Variants in FNIP2 observed in about 807,000 individuals in gnomAD.
The protein encoded by FNIP2 is folliculin interacting protein 2.
Under a neutral mutation model 108.7 loss-of-function variants are expected in FNIP2, and 32 were observed. The observed-to-expected ratio is 0.29, with a 90% CI of 0.22 to 0.40. The LOEUF is 0.40. Among genes scored for constraint, FNIP2 ranks in the 10% least tolerant of loss-of-function variants. FNIP2 has a pLI of 1.00. For synonymous variants in FNIP2, 480 were observed against 496.7 expected (o/e 0.97, Z 0.45); for missense variants, 1,202 against 1,381.6 (o/e 0.87, Z 2.06).
chr4:158,858,772 A>G (rs768852776), intron 8 of FNIP2, among the ~76,000 whole-genome samples: 2 of 152,180 alleles, frequency 1.3e-5, no homozygotes, highest in East Asian at 1.9e-4. Context: ...AATATCATCA[A>G]TTTGACATAA....
chr4:158,785,087 CTTT>C lies in FNIP2; in HGVS notation c.107+15783_107+15785del, dbSNP rs397805773. ...TTATTAGCCAGTATATAAAGTTCCT[CTTT>C]TTTTTTTTTTTTTTGAGCCAGAGTC... is the stretch of plus-strand genomic sequence containing the variant. On this transcript the variant is annotated intron_variant, in intron 1 of 16. Coordinates refer to ENST00000264433, the MANE Select transcript of FNIP2 (RefSeq NM_020840.3). Among the ~76,000 whole-genome samples the C allele has an allele frequency of 1.9e-3, 229 of 123,142 alleles. 5 individuals carry two copies. The highest frequency in any genetic ancestry group is 7.1e-3 in the African/African-American group (212 of 30,024). 80.8% of individuals were successfully genotyped at this position (123,142 alleles called of 152,430 possible).
chr4:158,849,446 G>T (rs1270996536), intron 7 of FNIP2, among the ~76,000 whole-genome samples: 1 of 152,080 alleles, frequency 6.6e-6, no homozygotes, highest in Non-Finnish European at 1.5e-5. Context: ...CAGGAGAAAA[G>T]TATTTATCCA....
intron 1 of FNIP2, among the ~76,000 whole-genome samples, chr4:158,796,618 A>T (rs1478099212): frequency 1.3e-5 from 2 of 152,214 alleles, no homozygotes; most frequent in African/African-American, 4.8e-5. Context: ...ATCATCTATG[A>T]GTTTAGCAAC....
At chr4:158,883,266 G>A (rs1333149181) in intron 14 of FNIP2, among the ~76,000 whole-genome samples, 1 of 151,880 alleles carries the variant, frequency 6.6e-6, no homozygotes, top group African/African-American at 2.4e-5. Context: ...TTTTGAGACG[G>A]AGTCTGGCTC....
intron 16 of FNIP2, among the ~76,000 whole-genome samples, chr4:158,898,144 T>C (rs1238799333): frequency 6.6e-6 from 1 of 152,120 alleles, no homozygotes; most frequent in Admixed American, 6.5e-5. Context: ...GATCAGATGG[T>C]TGTAGATGTG....
intron 1 of FNIP2, among the ~76,000 whole-genome samples, chr4:158,771,600 A>G (rs948666689): frequency 2.0e-5 from 3 of 152,230 alleles, no homozygotes; most frequent in African/African-American, 7.2e-5. Context: ...CCCTTAGATT[A>G]AAAATCGAGT....
At chr4:158,802,172 G>A (rs1039858993) in intron 1 of FNIP2, among the ~76,000 whole-genome samples, 1 of 152,168 alleles carries the variant, frequency 6.6e-6, no homozygotes, top group Non-Finnish European at 1.5e-5. Flanking sequence ...TCTGGGGACC[G>A]TGCTTCGAAG....
intron 1 of FNIP2, among the ~76,000 whole-genome samples, chr4:158,773,610 GAGT>G (rs1460984546): frequency 1.3e-5 from 2 of 152,270 alleles, no homozygotes; most frequent in Non-Finnish European, 2.9e-5. Flanking sequence ...TTAGGTCATG[GAGT>G]TCAGTATTAT....
At chr4:158,895,676 G>A (rs1329471291) in intron 15 of FNIP2, 74 bp from the exon 16 acceptor site, 2 of 928,664 alleles carry the variant, frequency 2.2e-6, no homozygotes, top group Non-Finnish European at 3.4e-6. Flanking sequence ...AATGAATTAA[G>A]AAAATTCTGA....
chr4:158,892,959 T>C (rs1489951499), intron 15 of FNIP2, among the ~76,000 whole-genome samples: 3 of 152,198 alleles, frequency 2.0e-5, no homozygotes, highest in Non-Finnish European at 2.9e-5. Flanking sequence ...GTCTAGACTT[T>C]TATGACTTTG....
chr4:158,903,793 C>G (rs905953421), intron 16 of FNIP2, among the ~76,000 whole-genome samples: 1 of 152,138 alleles, frequency 6.6e-6, no homozygotes, highest in African/African-American at 2.4e-5. Context: ...AGTCCACAAA[C>G]TGAAACAGTT....
intron 16 of FNIP2, among the ~76,000 whole-genome samples, chr4:158,897,357 A>G (rs1302135293): frequency 6.6e-6 from 1 of 152,232 alleles, no homozygotes; most frequent in Non-Finnish European, 1.5e-5. Flanking sequence ...GTATATACCC[A>G]GTAATGGGAT....
rs1729741006 is a variant in FNIP2 at position 158,905,387 on chromosome 4, A to C, written c.*843A>C. On this transcript the variant is annotated 3_prime_UTR_variant, in exon 17 of 17. Coordinates refer to ENST00000264433, the MANE Select transcript of FNIP2 (RefSeq NM_020840.3). ...GAGGCCACTTACCAAAGTTATTTCT[A>C]TAAGCTCAAGAGTGTTTCGGTTGGT... is the stretch of plus-strand genomic sequence containing the variant. 6.6e-6 allele frequency: 1 copy of C among 152,192 alleles called. No individual in the cohort carries two copies. The highest frequency in any genetic ancestry group is 2.1e-4 in the South Asian group (1 of 4,832). The allele number at this position is 152,192 out of a possible 1,614,324, so 9.4% of individuals were successfully genotyped here. A position where few individuals can be genotyped will look rare whatever the true frequency, so the allele number is the denominator to read the frequency against.
intron 6 of FNIP2, chr4:158,835,069 TA>T (rs1200153942): frequency 6.2e-5 from 10 of 161,238 alleles, no homozygotes; most frequent in Admixed American, 1.9e-4. Flanking sequence ...GGAAAATGGC[TA>T]AAAAAAATTA....
chr4:158,860,805 C>T (rs753107833), intron 10 of FNIP2, among the ~76,000 whole-genome samples: 12 of 151,808 alleles, frequency 7.9e-5, no homozygotes, highest in South Asian at 4.2e-4. Flanking sequence ...TACAGGCGCG[C>T]GCCACCATGC....
Position 158,868,980 on chromosome 4 carries a change from C to T in FNIP2, c.2344C>T (p.Arg782Trp), listed in dbSNP as rs778657615. ...GGAGAATGTTTGCTGTCCTCAGAAT[C>T]GGCTTTCAGAGGGGGATGAAGGCGA... is the stretch of plus-strand genomic sequence containing the variant. ...FQENVCCPQNRLSEGDEGESD... is the reference protein window; with the variant it reads ...FQENVCCPQNWLSEGDEGESD... The change falls in exon 13 of 17, where the codon CGG (arginine) becomes TGG (tryptophan). Residue 782 changes from arginine to tryptophan, a missense_variant. Transcript: ENST00000264433. This position sits in a 1 kb window ranked among gnomAD's most constrained non-coding sequence, Gnocchi z 4.6. 14 of 1,613,828 alleles carry T rather than the reference C, an allele frequency of 8.7e-6. No homozygotes were observed. The Admixed American group carries it at 1.0e-4, about 12-fold the overall frequency.
At chr4:158,775,067 G>A (rs901148265) in intron 1 of FNIP2, among the ~76,000 whole-genome samples, 6 of 152,168 alleles carry the variant, frequency 3.9e-5, no homozygotes, top group African/African-American at 1.4e-4. Flanking sequence ...GCCTAAGGAA[G>A]CTACTTTGCC....
intron 1 of FNIP2, among the ~76,000 whole-genome samples, chr4:158,770,573 G>A (rs1257261621): frequency 1.3e-5 from 2 of 152,094 alleles, no homozygotes; most frequent in African/African-American, 4.8e-5. Flanking sequence ...GTGTGCACGC[G>A]CGCTCATGGA....
chr4:158,831,026 G>A (rs1778454428), intron 3 of FNIP2, among the ~76,000 whole-genome samples: 1 of 152,146 alleles, frequency 6.6e-6, no homozygotes. Context: ...TGAAAAGGCG[G>A]GCAGTTAGTA....
Sources: gnomAD v4.1 joint callset for allele counts (sites outside exome capture counted in the v4.1 genomes callset) on GRCh38, gnomAD v4.1.1 for gene constraint, Gnocchi (gnomAD v3.1) non-coding constraint, MANE v1.5 for transcripts, NCBI Gene and HGNC (gene_info 2026-07-23, HGNC 2026-07-21) for gene names.